The following MYO3B variants were observed in gnomAD, a reference collection of about 807,000 sequenced individuals.
MYO3B encodes the protein myosin-IIIb.
Under a neutral mutation model 174.6 loss-of-function variants are expected in MYO3B, and 156 were observed. The ratio of observed to expected loss-of-function variants is 0.89; its 90% CI spans 0.78 to 1.02. MYO3B has a LOEUF of 1.02. Among genes scored for constraint, MYO3B ranks in the 50% least tolerant of loss-of-function variants. The pLI, the probability that MYO3B is intolerant of heterozygous loss-of-function variation, is 0.00. For synonymous variants in MYO3B, 563 were observed against 569.1 expected (o/e 0.99, Z 0.15); for missense variants, 1,632 against 1,639.4 (o/e 1.00, Z 0.08).
intron 7 of MYO3B, among the ~76,000 whole-genome samples, chr2:170,236,747 G>A (rs572495605): frequency 6.6e-6 from 1 of 152,310 alleles, no homozygotes; most frequent in South Asian, 2.1e-4. Context: ...TGTATGGCCA[G>A]CTCACGGCTC....
chr2:170,444,195 G>A, intron 23 of MYO3B, 149 bp downstream of exon 23: 1 of 532,332 alleles, frequency 1.9e-6, no homozygotes, highest in Non-Finnish European at 3.3e-6. Flanking sequence ...AGGAAATCAG[G>A]GGTTAGGAAA....
chr2:170,436,750 T>C (rs1403671511), intron 22 of MYO3B, among the ~76,000 whole-genome samples: 3 of 152,146 alleles, frequency 2.0e-5, no homozygotes, highest in African/African-American at 7.2e-5. Flanking sequence ...GAAGGGTGTG[T>C]GGGGTAGTGA....
chr2:170,557,028 G>C lies in MYO3B; in HGVS notation c.3733+13040G>C, dbSNP rs182892728. Among the ~76,000 whole-genome samples, 633 of 151,458 alleles carry C rather than the reference G, an allele frequency of 4.2e-3. 2 individuals are homozygous for C. Among genetic ancestry groups the C allele is most frequent in the African/African-American group, 0.015 (609 of 41,422 alleles). On this transcript the variant is annotated intron_variant, in intron 32 of 34. Coordinates refer to ENST00000408978, the MANE Select transcript of MYO3B (RefSeq NM_138995.5). The stretch of plus-strand genomic sequence containing the variant: ...TTGTTTTCCTATTCTTGAGTTTTAA[G>C]AGTTCTTTGTATATTTTGGATACAG...
intron 32 of MYO3B, among the ~76,000 whole-genome samples, chr2:170,589,059 G>A (rs952781280): frequency 6.6e-6 from 1 of 152,042 alleles, no homozygotes; most frequent in Non-Finnish European, 1.5e-5. Context: ...ACTGGAACTG[G>A]AACAAGAACA....
chr2:170,628,816 A>G (rs910736748), intron 32 of MYO3B, among the ~76,000 whole-genome samples: 3 of 152,160 alleles, frequency 2.0e-5, no homozygotes, highest in Admixed American at 6.5e-5. Context: ...AGGATTGGAT[A>G]GTAGGCTTCA....
At chr2:170,275,848 GA>G (rs1319352773) in intron 7 of MYO3B, among the ~76,000 whole-genome samples, 1 of 152,024 alleles carries the variant, frequency 6.6e-6, no homozygotes, top group South Asian at 2.1e-4. Context: ...TGTTCACACA[GA>G]AAAAAACAAA....
At chr2:170,218,338 A>G (rs2092853383) in intron 6 of MYO3B, among the ~76,000 whole-genome samples, 1 of 152,262 alleles carries the variant, frequency 6.6e-6, no homozygotes, top group African/African-American at 2.4e-5. Flanking sequence ...TTTCTTAAAT[A>G]GGTTTTACAA....
rs79987460 is a variant in MYO3B at position 170,486,879 on chromosome 2, C to A, written c.3015-11713C>A. ...TTCAGAAGCTTCTAAGCATCTACCC[C>A]GGTTCTACCCTCAAGGCTTTACTGA... On this transcript the variant is annotated intron_variant, in intron 25 of 34. Transcript: ENST00000408978. Among the ~76,000 whole-genome samples the A allele has an allele frequency of 7.8e-3, 1,187 of 152,302 alleles. 13 individuals carry two copies. Among genetic ancestry groups the A allele is most frequent in the African/African-American group, 0.026 (1,075 of 41,548 alleles).
At chr2:170,371,042 C>T (rs891427089) in intron 9 of MYO3B, among the ~76,000 whole-genome samples, 1 of 151,766 alleles carries the variant, frequency 6.6e-6, no homozygotes, top group South Asian at 2.1e-4. Flanking sequence ...CATGGTGACA[C>T]CCTGTCTCTA....
chr2:170,559,524 G>GT (rs1691568721), intron 32 of MYO3B, among the ~76,000 whole-genome samples: 1 of 152,220 alleles, frequency 6.6e-6, no homozygotes, highest in South Asian at 2.1e-4. Context: ...AGGTAGAGGT[G>GT]TTTTGTTTAG....
chr2:170,557,138 T>TTTTA (rs1418209563), intron 32 of MYO3B, among the ~76,000 whole-genome samples: 655 of 61,562 alleles, frequency 0.011, 9 homozygotes, highest in African/African-American at 0.035. Flanking sequence ...GGTTTTTTAT[T>TTTTA]TTTATTTTTA....
intron 7 of MYO3B, among the ~76,000 whole-genome samples, chr2:170,256,950 G>A (rs73027173): frequency 0.027 from 4,085 of 152,044 alleles, 171 homozygotes; most frequent in African/African-American, 0.091. Context: ...AGGGGTCATC[G>A]TTCTTATATT....
At chr2:170,429,655 GA>G (rs2105880210) in intron 22 of MYO3B, among the ~76,000 whole-genome samples, 1 of 152,284 alleles carries the variant, frequency 6.6e-6, no homozygotes, top group East Asian at 1.9e-4. Flanking sequence ...GAACTCTCTG[GA>G]ACCCTCAGGT....
chr2:170,570,095 C>A (rs1228097593), intron 32 of MYO3B, among the ~76,000 whole-genome samples: 2 of 152,116 alleles, frequency 1.3e-5, no homozygotes, highest in Non-Finnish European at 2.9e-5. Context: ...TGGTGTGATT[C>A]TGGAGGAAGA....
At chr2:170,284,672 C>CA (rs1335545966) in intron 7 of MYO3B, among the ~76,000 whole-genome samples, 2 of 151,904 alleles carry the variant, frequency 1.3e-5, no homozygotes, top group Non-Finnish European at 2.9e-5. Context: ...TAAAACATAC[C>CA]AAAAAGCTTA....
At chr2:170,651,851 G>A in intron 33 of MYO3B, 117 bp downstream of exon 33, 1 of 785,412 alleles carries the variant, frequency 1.3e-6, no homozygotes, top group East Asian at 2.6e-5. Flanking sequence ...CTCTCGTCTT[G>A]AACATGTGCT....
chr2:170,621,552 C>T (rs1421619430), intron 32 of MYO3B, among the ~76,000 whole-genome samples: 1 of 151,244 alleles, frequency 6.6e-6, no homozygotes, highest in African/African-American at 2.4e-5. Flanking sequence ...ACTCTGTGCC[C>T]AGGCTGGAGT....
chr2:170,590,156 A>G (rs12619489), intron 32 of MYO3B, among the ~76,000 whole-genome samples: 12,986 of 152,268 alleles, frequency 0.085, 778 homozygotes, highest in East Asian at 0.33. Flanking sequence ...ATGAAGTGAT[A>G]TATGCCTGTA....
chr2:170,632,097 A>G (rs1697041738), intron 32 of MYO3B, among the ~76,000 whole-genome samples: 1 of 152,206 alleles, frequency 6.6e-6, no homozygotes, highest in African/African-American at 2.4e-5. Flanking sequence ...TAACACGGAT[A>G]TCCAGGACTT....
Sources: allele counts gnomAD v4.1 joint callset (sites outside exome capture counted in the v4.1 genomes callset), GRCh38; gene constraint gnomAD v4.1.1; transcripts MANE v1.5; gene names NCBI Gene and HGNC (gene_info 2026-07-23, HGNC 2026-07-21).